Variants in XRRA1 observed in about 807,000 individuals in gnomAD.
XRRA1 encodes the protein X-ray radiation resistance-associated protein 1.
A neutral mutation model predicts 80.2 loss-of-function variants in XRRA1; 69 were observed. That is an observed-to-expected ratio of 0.86 (90% CI 0.71 to 1.05). XRRA1 has a LOEUF of 1.05. XRRA1 is among the 50% of genes least tolerant of loss of function. The probability of loss-of-function intolerance (pLI) is 0.00; values close to 1 mark genes in which losing one functional copy is unlikely to be tolerated. For synonymous variants in XRRA1, 348 were observed against 389.9 expected (o/e 0.89, Z 1.27); for missense variants, 967 against 976.4 (o/e 0.99, Z 0.13).
At chr11:74,852,585 G>A (rs759513145) in intron 12 of XRRA1, among the ~76,000 whole-genome samples, 1 of 152,122 alleles carries the variant, frequency 6.6e-6, no homozygotes, top group Non-Finnish European at 1.5e-5. Flanking sequence ...ATTTGGGGAT[G>A]GACAGGGGGA....
At chr11:74,940,972 G>A (rs1243722971) in intron 2 of XRRA1, 90 bp from the exon 3 acceptor site, 2 of 936,312 alleles carry the variant, frequency 2.1e-6, no homozygotes, top group Non-Finnish European at 3.3e-6. Context: ...GAGCCCACCA[G>A]GACCACCACA....
At chr11:74,924,837 AAATT>A (rs955136749) in intron 7 of XRRA1, among the ~76,000 whole-genome samples, 10 of 152,312 alleles carry the variant, frequency 6.6e-5, no homozygotes, top group African/African-American at 2.2e-4. Context: ...CTCAAAAAAT[AAATT>A]AATTAATTAA....
intron 4 of XRRA1, among the ~76,000 whole-genome samples, chr11:74,936,182 G>A (rs994694851): frequency 6.6e-6 from 1 of 152,260 alleles, no homozygotes; most frequent in African/African-American, 2.4e-5. Flanking sequence ...TTTACAAAAT[G>A]CATCCTTCTT....
chr11:74,863,114 G>A (rs2042660034), intron 10 of XRRA1, 93 bp from the exon 11 acceptor site: 1 of 1,188,052 alleles, frequency 8.4e-7, no homozygotes, highest in Non-Finnish European at 1.2e-6. Flanking sequence ...ACTGTGTGCA[G>A]CAGGGCACCT....
chr11:74,896,107 T>C (rs2052242432), intron 10 of XRRA1, among the ~76,000 whole-genome samples: 2 of 152,242 alleles, frequency 1.3e-5, no homozygotes, highest in African/African-American at 4.8e-5. Flanking sequence ...GTAGTGGCTA[T>C]GGTGAAAGAC....
rs2036810656 is a variant in XRRA1 at position 74,843,016 on chromosome 11, A to AT, written c.*183dup. The AT allele has an allele frequency of 6.5e-6, 5 of 767,708 alleles. No individual in the cohort carries two copies. The highest frequency in any genetic ancestry group is 8.1e-6 in the Non-Finnish European group (4 of 493,430). 47.6% of individuals were successfully genotyped at this position (767,708 alleles called of 1,614,324 possible). The stretch of plus-strand genomic sequence containing the variant: ...TTGCCGCTGGGCCAGGCACCAGGTC[A>AT]TGCCTGGGCCAAGGAGGGGAGATCC... On this transcript the variant is annotated 3_prime_UTR_variant, in exon 19 of 19. Coordinates refer to ENST00000684022, the MANE Select transcript of XRRA1 (RefSeq NM_001378157.1).
intron 4 of XRRA1, 94 bp from the exon 5 acceptor site, chr11:74,933,966 C>T (rs1944288788): frequency 9.1e-7 from 1 of 1,101,138 alleles, no homozygotes; most frequent in Non-Finnish European, 1.3e-6. Flanking sequence ...CAATCATATA[C>T]TTGTCATAAT....
At chr11:74,887,330 G>C (rs1390629241) in intron 10 of XRRA1, among the ~76,000 whole-genome samples, 1 of 152,078 alleles carries the variant, frequency 6.6e-6, no homozygotes, top group East Asian at 1.9e-4. Context: ...AACCAACAAA[G>C]GTCTACTATC....
At chr11:74,852,150 C>T (rs1464934705) in intron 12 of XRRA1, 68 bp from the exon 13 acceptor site, 2 of 1,310,336 alleles carry the variant, frequency 1.5e-6, no homozygotes, top group Non-Finnish European at 1.1e-6. Context: ...TATGTCTAGG[C>T]CCCTCACTGC....
chr11:74,877,862 T>G (rs909424119), intron 10 of XRRA1, among the ~76,000 whole-genome samples: 1 of 152,114 alleles, frequency 6.6e-6, no homozygotes, highest in African/African-American at 2.4e-5. Context: ...CAGTCTATCA[T>G]TGTTGGACAT....
intron 10 of XRRA1, among the ~76,000 whole-genome samples, chr11:74,867,725 A>T (rs559935874): frequency 6.6e-6 from 1 of 152,216 alleles, no homozygotes; most frequent in South Asian, 2.1e-4. Context: ...AATGCAGAGA[A>T]CCCCTGTGAA....
At chr11:74,891,081 C>G (rs547330369) in intron 10 of XRRA1, among the ~76,000 whole-genome samples, 1 of 152,244 alleles carries the variant, frequency 6.6e-6, no homozygotes, top group Admixed American at 6.5e-5. Flanking sequence ...GATACCAAAG[C>G]CTGGCAGAGA....
In XRRA1 at chr11:74,933,873, C is replaced by A. The variant is rs368436701; in HGVS notation, c.280-1G>T. 100 of 1,601,672 alleles carry A rather than the reference C, an allele frequency of 6.2e-5. No individual in the cohort carries two copies. The highest frequency in any genetic ancestry group is 7.9e-5 in the Non-Finnish European group (93 of 1,173,982). On this transcript the variant is annotated splice_acceptor_variant, in intron 4 of 18. Coordinates refer to ENST00000684022, the MANE Select transcript of XRRA1 (RefSeq NM_001378157.1). LOFTEE classifies it high-confidence loss of function. ...GCTTCCTCACACAGTGGTGCTTCAG[C>A]TGGAACATAATACAAAGAGTTGTCT...
intron 10 of XRRA1, among the ~76,000 whole-genome samples, chr11:74,896,319 C>T (rs934891778): frequency 1.3e-5 from 2 of 152,154 alleles, no homozygotes; most frequent in Admixed American, 6.5e-5. Flanking sequence ...AGTCCCAGGC[C>T]TGGTAGCATT....
chr11:74,844,175 T>C lies in XRRA1; in HGVS notation c.2036A>G (p.Glu679Gly), dbSNP rs1386709801. The change falls in exon 17 of 19, where the codon GAG becomes GGG. Residue 679 changes from glutamate to glycine, a missense_variant. Physicochemically the swap from Glu to Gly is moderately conservative, Grantham distance 98. Transcript: ENST00000684022. ...DTLQKPYVHK[E>G]KRAQRIPIPP... ...AGTGAGCTGGATGTTTACCCGTTTC[T>C]CTTTGTGAACATAGGGTTTCTGAAG... 1 of 1,613,744 alleles carries C rather than the reference T, an allele frequency of 6.2e-7. No individual in the cohort carries two copies. The highest frequency in any genetic ancestry group is 1.7e-5 in the Admixed American group (1 of 60,020).
chr11:74,887,978 T>C (rs193206447), intron 10 of XRRA1, among the ~76,000 whole-genome samples: 7 of 152,286 alleles, frequency 4.6e-5, no homozygotes, highest in African/African-American at 1.7e-4. Flanking sequence ...CCTGCCTCTG[T>C]AGACTCCACC....
chr11:74,864,818 A>G (rs988844798), intron 10 of XRRA1, among the ~76,000 whole-genome samples: 7 of 152,178 alleles, frequency 4.6e-5, no homozygotes, highest in African/African-American at 1.2e-4. Flanking sequence ...AGACTCACCT[A>G]TATCTTGCAG....
intron 8 of XRRA1, among the ~76,000 whole-genome samples, chr11:74,908,749 C>T (rs1054590467): frequency 4.6e-5 from 7 of 152,024 alleles, no homozygotes; most frequent in Non-Finnish European, 7.4e-5. Flanking sequence ...TCGGGAAAGG[C>T]AATGTTTAAG....
chr11:74,915,377 ACT>A (rs1938285253), intron 8 of XRRA1, among the ~76,000 whole-genome samples: 1 of 152,064 alleles, frequency 6.6e-6, no homozygotes, highest in South Asian at 2.1e-4. Flanking sequence ...TGTGGCGGAG[ACT>A]CTCAATGGTC....
Sources: gnomAD v4.1 joint callset for allele counts (sites outside exome capture counted in the v4.1 genomes callset) on GRCh38, gnomAD v4.1.1 for gene constraint, MANE v1.5 for transcripts, NCBI Gene and HGNC (gene_info 2026-07-23, HGNC 2026-07-21) for gene names.